Variants in SLAIN1 observed in about 807,000 individuals in gnomAD.
SLAIN1 encodes the protein SLAIN motif-containing protein 1.
Under a neutral mutation model 55.4 loss-of-function variants are expected in SLAIN1, and 17 were observed. The ratio of observed to expected loss-of-function variants is 0.31; its 90% CI spans 0.21 to 0.46. The LOEUF is 0.46. Among genes scored for constraint, SLAIN1 ranks in the 20% least tolerant of loss-of-function variants. SLAIN1 has a pLI of 1.00. For synonymous variants in SLAIN1, 348 were observed against 337.4 expected (o/e 1.03, Z -0.35); for missense variants, 682 against 785.1 (o/e 0.87, Z 1.57).
chr13:77,754,885 G>A (rs947447648), intron 5 of SLAIN1, among the ~76,000 whole-genome samples: 25 of 152,142 alleles, frequency 1.6e-4, no homozygotes, highest in African/African-American at 6.0e-4. Flanking sequence ...CTCAGTGAAT[G>A]CTTGAATGAA....
chr13:77,737,080 T>C (rs1307288380), intron 2 of SLAIN1, among the ~76,000 whole-genome samples: 2 of 139,736 alleles, frequency 1.4e-5, no homozygotes, highest in Admixed American at 7.6e-5. Flanking sequence ...GTAACCATCT[T>C]GAGTTCAACT....
At chr13:77,751,375 A>T (rs1874200118) in intron 4 of SLAIN1, among the ~76,000 whole-genome samples, 1 of 152,226 alleles carries the variant, frequency 6.6e-6, no homozygotes, top group Middle Eastern at 3.4e-3. Flanking sequence ...TCTCTTTAGG[A>T]TCAACAATGG....
intron 1 of SLAIN1, among the ~76,000 whole-genome samples, chr13:77,707,066 A>G (rs956941953): frequency 1.3e-5 from 2 of 151,514 alleles, no homozygotes; most frequent in Non-Finnish European, 2.9e-5. Flanking sequence ...CCACTCTGGA[A>G]ATTTTCTTGC....
At chr13:77,722,062 T>C (rs1254162053) in intron 2 of SLAIN1, among the ~76,000 whole-genome samples, 1 of 151,502 alleles carries the variant, frequency 6.6e-6, no homozygotes, top group African/African-American at 2.4e-5. Context: ...GACTAAGTGC[T>C]TCATTATCCG....
At chr13:77,759,841 T>C (rs182415549) in intron 5 of SLAIN1, among the ~76,000 whole-genome samples, 6 of 152,280 alleles carry the variant, frequency 3.9e-5, no homozygotes, top group Non-Finnish European at 4.4e-5. Flanking sequence ...TCAGTATTTC[T>C]GTGTATAGAT....
At chr13:77,744,080 A>G in intron 2 of SLAIN1, 3 of 575,398 alleles carry the variant, frequency 5.2e-6, no homozygotes, top group Non-Finnish European at 9.4e-6. Flanking sequence ...TGAAAATTCA[A>G]TTTGAAAACA....
chr13:77,735,019 CAAAAT>C (rs1027536804), intron 2 of SLAIN1, among the ~76,000 whole-genome samples: 4 of 150,902 alleles, frequency 2.7e-5, no homozygotes, highest in African/African-American at 4.9e-5. Context: ...GACTCAGTCT[CAAAAT>C]AAAATAAAAA....
intron 2 of SLAIN1, among the ~76,000 whole-genome samples, chr13:77,721,960 C>G (rs534038057): frequency 3.4e-5 from 5 of 146,414 alleles, no homozygotes; most frequent in African/African-American, 1.3e-4. Context: ...AGCATTATGT[C>G]ATTTGCACAC....
chr13:77,763,381 A>G lies in SLAIN1; in HGVS notation c.*161A>G. 1 of 601,930 alleles carries G rather than the reference A, an allele frequency of 1.7e-6. No individual in the cohort carries two copies. The highest frequency in any genetic ancestry group is 2.8e-5 in the East Asian group (1 of 35,730). 37.3% of individuals were successfully genotyped at this position (601,930 alleles called of 1,614,324 possible). A position where few individuals can be genotyped will look rare whatever the true frequency, so the allele number is the denominator to read the frequency against. On this transcript the variant is annotated 3_prime_UTR_variant, in exon 7 of 7. Coordinates refer to ENST00000418532, the MANE Select transcript of SLAIN1 (RefSeq NM_001242868.2). ...ATGGACCAGTCACCAGAGACTAATTATTGCACTTAAATATTTGCCTGAGAT... is the reference window on the plus strand; with the variant it reads ...ATGGACCAGTCACCAGAGACTAATTGTTGCACTTAAATATTTGCCTGAGAT...
chr13:77,736,075 C>T (rs1446497673), intron 2 of SLAIN1, among the ~76,000 whole-genome samples: 1 of 152,056 alleles, frequency 6.6e-6, no homozygotes, highest in African/African-American at 2.4e-5. Context: ...TTTTCAATCT[C>T]AGCTCTTGTG....
intron 2 of SLAIN1, among the ~76,000 whole-genome samples, chr13:77,725,355 C>G (rs957566094): frequency 6.6e-6 from 1 of 152,166 alleles, no homozygotes; most frequent in Admixed American, 6.6e-5. Context: ...AAATTAAAGA[C>G]ACTTCACTAA....
intron 2 of SLAIN1, among the ~76,000 whole-genome samples, chr13:77,738,221 T>TACATACATAC (rs1566236396): frequency 2.7e-5 from 4 of 150,372 alleles, no homozygotes; most frequent in Non-Finnish European, 5.9e-5. Context: ...CATATACACA[T>TACATACATAC]ACATATATAC....
At chr13:77,736,414 C>G (rs75201851) in intron 2 of SLAIN1, among the ~76,000 whole-genome samples, 16,051 of 151,980 alleles carry the variant, frequency 0.11, 1,750 homozygotes, top group East Asian at 0.58. Flanking sequence ...GAACTTTTTT[C>G]CATGCTTTTC....
chr13:77,741,415 C>T (rs919169577), intron 2 of SLAIN1: 4 of 987,190 alleles, frequency 4.1e-6, no homozygotes, highest in Admixed American at 6.2e-5. Context: ...GTTCTGGCTC[C>T]GATTGGGAAA....
At chr13:77,743,514 TG>T (rs1873599139) in intron 2 of SLAIN1, 1 of 155,046 alleles carries the variant, frequency 6.4e-6, no homozygotes, top group African/African-American at 2.4e-5. Context: ...AATTTTTTTC[TG>T]GTAGCTTTTA....
At position 77,698,662 on chromosome 13, in the gene SLAIN1, C is replaced by T. The variant is rs1444701555; in HGVS notation, c.626+123C>T. The T allele has an allele frequency of 3.9e-5, 50 of 1,278,466 alleles. No homozygotes were observed. Among genetic ancestry groups the T allele is most frequent in the Middle Eastern group, 2.9e-4 (1 of 3,424 alleles). The allele number at this position is 1,278,466 out of a possible 1,614,324, so 79.2% of individuals were successfully genotyped here. A position where few individuals can be genotyped will look rare whatever the true frequency, so the allele number is the denominator to read the frequency against. The stretch of plus-strand genomic sequence containing the variant: ...AGCCGGGGTGACTCCCCGCGGCTCC[C>T]GGAGGGGCCGACCCAGCAGGTGTTG... On this transcript the variant is annotated intron_variant, in intron 1 of 6. Transcript: ENST00000418532. This position sits in a 1 kb window ranked among gnomAD's most constrained non-coding sequence, Gnocchi z 4.1.
Position 77,698,231 on chromosome 13 carries a change from C to G in SLAIN1, c.318C>G (p.Gly106=). Residue 106 remains glycine (G), a synonymous_variant, in exon 1 of 7, where the codon GGC becomes GGG. Coordinates refer to ENST00000418532, the MANE Select transcript of SLAIN1 (RefSeq NM_001242868.2). This position sits in a 1 kb window ranked among gnomAD's most constrained non-coding sequence, Gnocchi z 4.1. ...TCGGGCTGGCGCTGGGCGCGGGGGG[C>G]GGTGGCGGCAGCGGTAGTGGCAGCG... ...LGLGLALGAG[G]GGGSGSGSGG... The G allele has an allele frequency of 7.5e-7, 1 of 1,337,410 alleles. No homozygotes were observed. Among genetic ancestry groups the G allele is most frequent in the African/African-American group, 1.5e-5 (1 of 65,542 alleles). The allele number at this position is 1,337,410 out of a possible 1,614,324, so 82.8% of individuals were successfully genotyped here.
chr13:77,734,833 A>T (rs1379587263), intron 2 of SLAIN1, among the ~76,000 whole-genome samples: 3 of 151,990 alleles, frequency 2.0e-5, no homozygotes, highest in Non-Finnish European at 4.4e-5. Flanking sequence ...CAGCCTGACC[A>T]ATATGGTGAA....
At chr13:77,707,208 C>T (rs921846670) in intron 1 of SLAIN1, among the ~76,000 whole-genome samples, 2 of 151,664 alleles carry the variant, frequency 1.3e-5, no homozygotes, top group African/African-American at 4.8e-5. Context: ...CTGTCTTATC[C>T]CATTGCTAAT....
Sources: gnomAD v4.1 joint callset for allele counts (sites outside exome capture counted in the v4.1 genomes callset) on GRCh38, gnomAD v4.1.1 for gene constraint, Gnocchi (gnomAD v3.1) non-coding constraint, MANE v1.5 for transcripts, NCBI Gene and HGNC (gene_info 2026-07-23, HGNC 2026-07-21) for gene names.